Variants in ABCB1 observed in about 807,000 individuals in gnomAD.
ABCB1 encodes the protein ATP binding cassette subfamily B member 1, also known as ATP-dependent translocase ABCB1.
A neutral mutation model predicts 142.0 loss-of-function variants in ABCB1; 69 were observed. That is an observed-to-expected ratio of 0.49 (90% CI 0.40 to 0.59). The LOEUF (loss-of-function observed/expected upper bound fraction) is 0.59, where lower values mean the gene tolerates loss of function less well. Among genes scored for constraint, ABCB1 ranks in the 20% least tolerant of loss-of-function variants. The pLI is 0.00. For missense variants in ABCB1, 1,326 were observed against 1,554.7 expected (o/e 0.85, Z 2.47); for synonymous variants, 532 against 539.2 (o/e 0.99, Z 0.18).
chr7:87,633,789 TTGG>T (rs1821465000), intron 1 of ABCB1, among the ~76,000 whole-genome samples: 1 of 152,168 alleles, frequency 6.6e-6, no homozygotes, highest in African/African-American at 2.4e-5. Flanking sequence ...ATGCTTGAAC[TTGG>T]TGGGAGAAAT....
chr7:87,617,395 A>G (rs1197169648), intron 1 of ABCB1, among the ~76,000 whole-genome samples: 3 of 152,234 alleles, frequency 2.0e-5, no homozygotes, highest in Admixed American at 2.0e-4. Flanking sequence ...ATGTTTTCTG[A>G]GAACCTCACT....
At position 87,638,488 on chromosome 7, in the gene ABCB1, G is replaced by A. The variant is rs537641209; in HGVS notation, c.-330-37410C>T. On this transcript the variant is annotated intron_variant, in intron 1 of 28. Transcript: ENST00000265724. ...TGTGAACCGCAAATTGTCTTTGTGGGAAATCATTTAGTAACGGAATCAATT... is the reference window on the plus strand; with the variant it reads ...TGTGAACCGCAAATTGTCTTTGTGGAAAATCATTTAGTAACGGAATCAATT... 2.2e-4 allele frequency among the ~76,000 whole-genome samples: 34 copies of A among 152,062 alleles called. No homozygotes were observed. In the South Asian group the frequency reaches 6.9e-3, roughly 31 times the overall value.
At chr7:87,508,985 C>A (rs1188822577) in intron 26 of ABCB1, among the ~76,000 whole-genome samples, 1 of 152,186 alleles carries the variant, frequency 6.6e-6, no homozygotes, top group Non-Finnish European at 1.5e-5. Context: ...AAGCCTATAG[C>A]TTTGGATCAA....
At chr7:87,612,091 A>G (rs902221966) in intron 1 of ABCB1, among the ~76,000 whole-genome samples, 1 of 152,112 alleles carries the variant, frequency 6.6e-6, no homozygotes, top group African/African-American at 2.4e-5. Context: ...AGAGGGAACT[A>G]AGATTCAATG....
intron 1 of ABCB1, among the ~76,000 whole-genome samples, chr7:87,635,267 G>GTA (rs1448103148): frequency 6.6e-6 from 1 of 152,158 alleles, no homozygotes; most frequent in Non-Finnish European, 1.5e-5. Context: ...TTACCCAGTT[G>GTA]TATATTGGAA....
rs762907577 is a variant in ABCB1, at chr7:87,595,781, G to A, written c.102C>T (p.Val34=). The A allele has an allele frequency of 2.5e-6, 4 of 1,610,698 alleles. No homozygotes were observed. The highest frequency in any genetic ancestry group is 3.4e-6 in the Non-Finnish European group (4 of 1,177,446). The change falls in exon 3 of 28, where the codon GTC becomes GTT. Residue 34 remains valine, a synonymous_variant. Transcript: ENST00000622132. ...EKDKKEKKPT[V]SVFSMFRYSN... ...CAAAACTCACCATTGAAAATACACT[G>A]ACAGTTGGTTTCTTTTCCTTCTTAT...
intron 1 of ABCB1, among the ~76,000 whole-genome samples, chr7:87,700,877 TA>T (rs1427781946): frequency 6.6e-6 from 1 of 152,246 alleles, no homozygotes; most frequent in Non-Finnish European, 1.5e-5. Context: ...CAATGGTGGA[TA>T]AAACTGTTGG....
intron 4 of ABCB1, among the ~76,000 whole-genome samples, chr7:87,580,943 A>G (rs1202173): frequency 0.7 from 106,127 of 151,476 alleles, 37,577 homozygotes; most frequent in East Asian, 0.98. Context: ...TCCTTAATAT[A>G]ATGTTAAAAC....
upstream of ABCB1, among the ~76,000 whole-genome samples, chr7:87,605,618 C>T (rs1819623970): frequency 6.6e-6 from 1 of 152,276 alleles, no homozygotes; most frequent in Non-Finnish European, 1.5e-5. Flanking sequence ...GAAGTGGCAA[C>T]TCTTGGAATT....
chr7:87,628,862 C>T, intron 1 of ABCB1: 2 of 1,277,860 alleles, frequency 1.6e-6, no homozygotes, highest in Non-Finnish European at 2.0e-6. Flanking sequence ...GCGGGATCCG[C>T]GGCGGTGGCG....
At chr7:87,536,860 T>C (rs1242030620) in intron 19 of ABCB1, among the ~76,000 whole-genome samples, 1 of 151,788 alleles carries the variant, frequency 6.6e-6, no homozygotes, top group Admixed American at 6.6e-5. Flanking sequence ...AAAAGAAAAA[T>C]TGAGCAGGGT....
rs550951274 is a variant in ABCB1 at position 87,669,747 on chromosome 7, A to G, written c.-331+43414T>C. On this transcript the variant is annotated intron_variant, in intron 1 of 28. Transcript: ENST00000265724. ...CTTGGGAAGCTCACTTTGGCTGTAT[A>G]TGAAATTCTTGGTTGAAGATTTTTT... is the stretch of plus-strand genomic sequence containing the variant. Among the ~76,000 whole-genome samples, 10 of 152,330 alleles carry G rather than the reference A, an allele frequency of 6.6e-5. No homozygotes were observed. The South Asian group carries it at 2.1e-3, about 32-fold the overall frequency.
chr7:87,625,589 A>C (rs1490734811), intron 1 of ABCB1, among the ~76,000 whole-genome samples: 1 of 152,180 alleles, frequency 6.6e-6, no homozygotes, highest in Non-Finnish European at 1.5e-5. Flanking sequence ...AACAACATCA[A>C]TTTGAGTAGT....
At chr7:87,594,609 A>C (rs183054201) in intron 3 of ABCB1, among the ~76,000 whole-genome samples, 4 of 152,358 alleles carry the variant, frequency 2.6e-5, no homozygotes, top group African/African-American at 7.2e-5. Context: ...CCATACAAGA[A>C]AGTAACAATG....
chr7:87,632,120 A>C (rs1398286370), intron 1 of ABCB1, among the ~76,000 whole-genome samples: 1 of 152,136 alleles, frequency 6.6e-6, no homozygotes, highest in Admixed American at 6.5e-5. Flanking sequence ...ACCAAAAAAA[A>C]AAAAAGTCAC....
chr7:87,576,421 A>G (rs868666404), intron 4 of ABCB1, among the ~76,000 whole-genome samples: 1 of 149,404 alleles, frequency 6.7e-6, no homozygotes, highest in African/African-American at 2.4e-5. Context: ...GTGTGTGTGT[A>G]AGTATATATT....
chr7:87,516,024 C>G (rs1166066376), intron 24 of ABCB1, among the ~76,000 whole-genome samples: 1 of 152,128 alleles, frequency 6.6e-6, no homozygotes, highest in Non-Finnish European at 1.5e-5. Flanking sequence ...AATACAGTAA[C>G]TTACATACAA....
chr7:87,578,246 G>T (rs1183426772), intron 4 of ABCB1, among the ~76,000 whole-genome samples: 1 of 152,094 alleles, frequency 6.6e-6, no homozygotes, highest in Admixed American at 6.5e-5. Flanking sequence ...GTGGATTTAT[G>T]TCTGCATTCT....
rs558274459 is a variant in ABCB1, at chr7:87,532,566, C to T, written c.2482-1069G>A. Among the ~76,000 whole-genome samples the T allele has an allele frequency of 7.2e-5, 11 of 152,236 alleles. No individual in the cohort carries two copies. In the South Asian group the frequency reaches 2.3e-3, roughly 32 times the overall value. Reference sequence around the variant, plus strand: ...CCAGCGCCATGACAATTTACAAATGCCATGGCAACGTTACCCTATATGGTC... The same window carrying T: ...CCAGCGCCATGACAATTTACAAATGTCATGGCAACGTTACCCTATATGGTC... On this transcript the variant is annotated intron_variant, in intron 20 of 27. Transcript: ENST00000622132.
Sources: allele counts gnomAD v4.1 joint callset (sites outside exome capture counted in the v4.1 genomes callset), GRCh38; gene constraint gnomAD v4.1.1; transcripts MANE v1.5; gene names NCBI Gene and HGNC (gene_info 2026-07-23, HGNC 2026-07-21).